The following PPP2R5A variants were observed in gnomAD, a reference collection of about 807,000 sequenced individuals.
PPP2R5A encodes serine/threonine-protein phosphatase 2A 56 kDa regulatory subunit alpha isoform.
Under a neutral mutation model 64.2 loss-of-function variants are expected in PPP2R5A, and 25 were observed. The observed-to-expected ratio is 0.39, with a 90% CI of 0.28 to 0.54. The LOEUF is 0.54. PPP2R5A is among the 20% of genes least tolerant of loss of function. The probability of loss-of-function intolerance (pLI) is 0.67; values close to 1 mark genes in which losing one functional copy is unlikely to be tolerated. For missense variants in PPP2R5A, 425 were observed against 576.3 expected, an observed-to-expected ratio of 0.74 and a Z score of 2.69; for synonymous variants, 198 against 201.2, an observed-to-expected ratio of 0.98 and a Z score of 0.13.
chr1:212,332,899 T>C (rs1558149921), intron 2 of PPP2R5A, among the ~76,000 whole-genome samples: 1 of 151,610 alleles, frequency 6.6e-6, no homozygotes. Flanking sequence ...TTTTATTTTT[T>C]TATTTTTATT....
intron 1 of PPP2R5A, chr1:212,302,156 G>T: frequency 7.2e-7 from 1 of 1,392,994 alleles, no homozygotes; most frequent in Non-Finnish European, 9.8e-7. Context: ...GAAATGAATA[G>T]AGACTAGATT....
chr1:212,309,614 C>A, intron 1 of PPP2R5A: 1 of 593,998 alleles, frequency 1.7e-6, no homozygotes, highest in Non-Finnish European at 3.0e-6. Flanking sequence ...TTAAATCCAA[C>A]ATACGGTCAC....
chr1:212,326,577 G>A (rs1659411530), intron 1 of PPP2R5A, among the ~76,000 whole-genome samples: 1 of 152,106 alleles, frequency 6.6e-6, no homozygotes, highest in Non-Finnish European at 1.5e-5. Context: ...AGCCTGGGCA[G>A]TAGAGTGAGA....
intron 3 of PPP2R5A, among the ~76,000 whole-genome samples, chr1:212,341,731 G>GTTTA (rs148821674): frequency 3.3e-5 from 5 of 151,988 alleles, no homozygotes; most frequent in African/African-American, 9.7e-5. Context: ...AGGTTTGTTT[G>GTTTA]TTTATTTATT....
intron 1 of PPP2R5A, among the ~76,000 whole-genome samples, chr1:212,312,591 A>C (rs750033622): frequency 2.6e-5 from 4 of 152,208 alleles, no homozygotes; most frequent in Non-Finnish European, 5.9e-5. Flanking sequence ...TCTTAGCCTT[A>C]TTTAGGATTT....
chr1:212,302,846 G>C (rs753042875), intron 1 of PPP2R5A, among the ~76,000 whole-genome samples: 1 of 152,030 alleles, frequency 6.6e-6, no homozygotes, highest in Non-Finnish European at 1.5e-5. Context: ...ATAATATGTC[G>C]TCTTTTGTAA....
chr1:212,328,863 T>C (rs1659451632), intron 1 of PPP2R5A, among the ~76,000 whole-genome samples: 1 of 152,144 alleles, frequency 6.6e-6, no homozygotes, highest in Admixed American at 6.5e-5. Context: ...GGCAGGAGGA[T>C]CACATGAGCC....
At chr1:212,315,346 TC>T (rs772839134) in intron 1 of PPP2R5A, among the ~76,000 whole-genome samples, 189 of 152,322 alleles carry the variant, frequency 1.2e-3, no homozygotes, top group Non-Finnish European at 2.2e-3. Flanking sequence ...GGACTTACTG[TC>T]TATTGAGAGT....
In PPP2R5A at chr1:212,298,133, G is replaced by A. The variant is rs1658731040; in HGVS notation, c.181+11842G>A. 4.8e-5 allele frequency among the ~76,000 whole-genome samples: 2 copies of A among 41,846 alleles called. 1 individual carries two copies. Among genetic ancestry groups the A allele is most frequent in the South Asian group, 9.5e-4 (2 of 2,112 alleles). The allele number at this position is 41,846 out of a possible 152,430, so 27.5% of individuals were successfully genotyped here. A position where few individuals can be genotyped will look rare whatever the true frequency, so the allele number is the denominator to read the frequency against. ...CATGTCTCAGAGAGCACAGGGTTGGGGATAAGGTCCACAGATCAACAGGAT... is the reference window on the plus strand; with the variant it reads ...CATGTCTCAGAGAGCACAGGGTTGGAGATAAGGTCCACAGATCAACAGGAT... On this transcript the variant is annotated intron_variant, in intron 1 of 12. Coordinates refer to ENST00000261461, the MANE Select transcript of PPP2R5A (RefSeq NM_006243.4).
At chr1:212,329,789 G>A (rs771367859) in intron 2 of PPP2R5A, among the ~76,000 whole-genome samples, 13 of 152,160 alleles carry the variant, frequency 8.5e-5, no homozygotes, top group African/African-American at 2.4e-4. Flanking sequence ...GGGATTACAG[G>A]TGCCCACGAC....
chr1:212,342,413 A>G (rs1209325371), intron 4 of PPP2R5A, 133 bp downstream of exon 4: 2 of 1,209,710 alleles, frequency 1.7e-6, no homozygotes, highest in South Asian at 1.9e-5. Flanking sequence ...CTGCCAAACC[A>G]TTAGAATAAA....
At position 212,309,473 on chromosome 1, in the gene PPP2R5A, C is replaced by G. The variant is rs1014304634; in HGVS notation, c.182-19662C>G. On this transcript the variant is annotated intron_variant, in intron 1 of 12. Coordinates refer to ENST00000261461, the MANE Select transcript of PPP2R5A (RefSeq NM_006243.4). ...GCCTTTAAAGCCTTCGCTTTGTCTTCGGCTTTAGAAGGGGCAGGAGCTTCC... is the reference window on the plus strand; with the variant it reads ...GCCTTTAAAGCCTTCGCTTTGTCTTGGGCTTTAGAAGGGGCAGGAGCTTCC... The G allele has an allele frequency of 1.0e-5, 9 of 860,864 alleles. No homozygotes were observed. In the South Asian group the frequency reaches 1.2e-4, roughly 11 times the overall value. The allele number at this position is 860,864 out of a possible 1,614,324, so 53.3% of individuals were successfully genotyped here.
chr1:212,306,566 T>G (rs942851598), intron 1 of PPP2R5A, among the ~76,000 whole-genome samples: 1 of 152,164 alleles, frequency 6.6e-6, no homozygotes, highest in Non-Finnish European at 1.5e-5. Flanking sequence ...CTAATACTGG[T>G]ATAGCCACTC....
intron 8 of PPP2R5A, among the ~76,000 whole-genome samples, chr1:212,350,121 A>G (rs774711581): frequency 2.0e-5 from 3 of 152,236 alleles, no homozygotes; most frequent in African/African-American, 4.8e-5. Context: ...TATTTTTACT[A>G]TATTATGAAC....
intron 1 of PPP2R5A, among the ~76,000 whole-genome samples, chr1:212,298,859 GC>G (rs1658743932): frequency 2.4e-5 from 1 of 41,040 alleles, no homozygotes; most frequent in African/African-American, 2.5e-4. Flanking sequence ...CCCGGACGGG[GC>G]GGCTGGCCAG....
intron 1 of PPP2R5A, among the ~76,000 whole-genome samples, chr1:212,302,354 C>T (rs1479492390): frequency 6.6e-6 from 1 of 152,116 alleles, no homozygotes; most frequent in Non-Finnish European, 1.5e-5. Context: ...ATTTCATTTA[C>T]ATGTTCCTTG....
chr1:212,293,148 A>G (rs1658633094), intron 1 of PPP2R5A, among the ~76,000 whole-genome samples: 1 of 152,202 alleles, frequency 6.6e-6, no homozygotes, highest in South Asian at 2.1e-4. Flanking sequence ...GGTCCTTAAT[A>G]TCTTGGTAGT....
intron 1 of PPP2R5A, chr1:212,306,635 A>G (rs1212424286): frequency 6.6e-6 from 1 of 152,012 alleles, no homozygotes; most frequent in African/African-American, 2.4e-5. Context: ...TTTTCAATCT[A>G]CTTGTATTTT....
chr1:212,301,502 T>C (rs1658799418), intron 1 of PPP2R5A, among the ~76,000 whole-genome samples: 1 of 152,232 alleles, frequency 6.6e-6, no homozygotes, highest in African/African-American at 2.4e-5. Flanking sequence ...TGTTCTAATT[T>C]CCTGAAATAC....
Sources: allele counts gnomAD v4.1 joint callset (sites outside exome capture counted in the v4.1 genomes callset), GRCh38; gene constraint gnomAD v4.1.1; transcripts MANE v1.5; gene names NCBI Gene and HGNC (gene_info 2026-07-23, HGNC 2026-07-21).